ADGRG1: variants seen among roughly 807,000 people sequenced by gnomAD.
ADGRG1 encodes the protein adhesion G protein-coupled receptor G1.
In ADGRG1, 53 loss-of-function variants were observed where a neutral mutation model predicts 73.5. The observed-to-expected ratio is 0.72, with a 90% CI of 0.58 to 0.91. The LOEUF (loss-of-function observed/expected upper bound fraction) is 0.91. ADGRG1 is among the 40% of genes least tolerant of loss of function. ADGRG1 has a pLI of 0.00. For missense variants in ADGRG1, 795 were observed against 871.8 expected (o/e 0.91, Z 1.11); for synonymous variants, 394 against 374.4 (o/e 1.05, Z -0.60).
rs187571749 is a variant in ADGRG1 at position 57,636,376 on chromosome 16, G to A, written c.-36+7574G>A. 5.6e-3 allele frequency: 5,537 copies of A among 985,374 alleles called. 24 individuals are homozygous for A. Among genetic ancestry groups the A allele is most frequent in the Non-Finnish European group, 6.1e-3 (5,093 of 829,926 alleles). The allele number at this position is 985,374 out of a possible 1,614,324, so 61.0% of individuals were successfully genotyped here. A position where few individuals can be genotyped will look rare whatever the true frequency, so the allele number is the denominator to read the frequency against. Reference sequence around the variant, plus strand: ...GCGCTCCCAGGCTTCCATGCTGTGGGACTTCTCAGAGCCTTTATCGGGAAA... The same window carrying A: ...GCGCTCCCAGGCTTCCATGCTGTGGAACTTCTCAGAGCCTTTATCGGGAAA... On this transcript the variant is annotated intron_variant, in intron 1 of 13. Transcript: ENST00000562631.
chr16:57,663,082 T>C, intron 13 of ADGRG1: 1 of 985,108 alleles, frequency 1.0e-6, no homozygotes, highest in Non-Finnish European at 1.2e-6. Flanking sequence ...TGCTATTAAT[T>C]TGAGGGGTGC....
Position 57,651,256 on chromosome 16 carries a change from A to G in ADGRG1, c.121A>G (p.Thr41Ala). ...TCGCTTCTGCAGCCAGCGGAACCAG[A>G]CACACAGGAGCAGCCTCCACTACAA... ...DFRFCSQRNQTHRSSLHYKPT... is the reference protein window; with the variant it reads ...DFRFCSQRNQAHRSSLHYKPT... Residue 41 changes from threonine (T) to alanine (A), a missense_variant, in exon 3 of 14, where the codon ACA becomes GCA. By Grantham distance (58) the Thr-to-Ala change is moderately conservative (BLOSUM62 0). Coordinates refer to ENST00000562631, the MANE Select transcript of ADGRG1 (RefSeq NM_201525.4). 1 of 1,614,100 alleles carries G rather than the reference A, an allele frequency of 6.2e-7. No individual in the cohort carries two copies. The highest frequency in any genetic ancestry group is 8.5e-7 in the Non-Finnish European group (1 of 1,180,008).
At chr16:57,656,057 C>T in intron 7 of ADGRG1, 65 bp downstream of exon 7, 2 of 1,613,688 alleles carry the variant, frequency 1.2e-6, no homozygotes, top group Non-Finnish European at 1.7e-6. Context: ...TCCTCTCCCT[C>T]CCTCCAGACT....
At chr16:57,646,840 C>A in intron 1 of ADGRG1, 1 of 828,526 alleles carries the variant, frequency 1.2e-6, no homozygotes, top group Non-Finnish European at 1.5e-6. Flanking sequence ...TGGATGTCAC[C>A]ACTAACATTA....
Position 57,651,560 on chromosome 16 carries a change from C to G in ADGRG1, c.425C>G (p.Ser142Cys). 2 of 1,614,182 alleles carry G rather than the reference C, an allele frequency of 1.2e-6. No individual in the cohort carries two copies. Among genetic ancestry groups the G allele is most frequent in the Non-Finnish European group, 1.7e-6 (2 of 1,180,038 alleles). The change falls in exon 3 of 14, where the codon TCC (serine) becomes TGC (cysteine). Residue 142 changes from serine (S) to cysteine (C), a missense_variant. By Grantham distance (112) the Ser-to-Cys change is moderately radical (BLOSUM62 -1). Coordinates refer to ENST00000562631, the MANE Select transcript of ADGRG1 (RefSeq NM_201525.4). Reference protein sequence around the residue: ...GPPLLATSVTSWWSPQNISLP... With the variant: ...GPPLLATSVTCWWSPQNISLP... ...CCGCTGTTAGCCACTTCTGTCACCT[C>G]CTGGTGGAGCCCTCAGAACATCAGC...
At chr16:57,629,610 C>T (rs1315012416) in intron 1 of ADGRG1, 1 of 152,206 alleles carries the variant, frequency 6.6e-6, no homozygotes, top group Non-Finnish European at 1.5e-5. Context: ...CTCTTCATCA[C>T]CAAGGCCAGC....
intron 1 of ADGRG1, chr16:57,633,465 C>T: frequency 1.0e-6 from 1 of 985,354 alleles, no homozygotes; most frequent in Non-Finnish European, 1.2e-6. Flanking sequence ...CAGACCCTGT[C>T]CCCAGCTGTC....
At position 57,649,842 on chromosome 16, in the gene ADGRG1, G is replaced by A. The variant is rs183096780; in HGVS notation, c.-35-411G>A. Among the ~76,000 whole-genome samples, 601 of 152,038 alleles carry A rather than the reference G, an allele frequency of 4.0e-3. 4 individuals are homozygous for A. Among genetic ancestry groups the A allele is most frequent in the Non-Finnish European group, 6.9e-3 (468 of 67,936 alleles). ...ACCCAGGCTGGAGTGCAGTGGCGCAGTTATAGCTCACTGCAGCCTCGACCT... is the reference window on the plus strand; with the variant it reads ...ACCCAGGCTGGAGTGCAGTGGCGCAATTATAGCTCACTGCAGCCTCGACCT... On this transcript the variant is annotated intron_variant, in intron 1 of 13. Coordinates refer to ENST00000562631, the MANE Select transcript of ADGRG1 (RefSeq NM_201525.4).
intron 1 of ADGRG1, chr16:57,631,907 G>T (rs1597114456): frequency 2.1e-6 from 2 of 967,630 alleles, no homozygotes; most frequent in East Asian, 2.3e-4. Flanking sequence ...AGGGGCCAAG[G>T]GTTGGGGAGT....
chr16:57,648,968 C>T (rs1261634426), intron 1 of ADGRG1, among the ~76,000 whole-genome samples: 2 of 152,266 alleles, frequency 1.3e-5, no homozygotes, highest in Admixed American at 6.5e-5. Flanking sequence ...AATGGGTCAA[C>T]AGCAGTGCCC....
intron 1 of ADGRG1, chr16:57,630,515 G>A: frequency 1.0e-6 from 1 of 985,514 alleles, no homozygotes; most frequent in East Asian, 1.1e-4. Flanking sequence ...GCTCCCGTAG[G>A]CCTGGGGCTT....
chr16:57,630,220 G>A (rs1249158645), intron 1 of ADGRG1: 8 of 434,012 alleles, frequency 1.8e-5, no homozygotes, highest in Non-Finnish European at 2.5e-5. Flanking sequence ...TGGCTCCTTG[G>A]GGTCAGAGAC....
At chr16:57,623,209 G>T (rs1215531123), upstream of ADGRG1, 3 of 985,082 alleles carry the variant, frequency 3.0e-6, no homozygotes, top group Middle Eastern at 5.2e-4. Context: ...CTAAACAGGG[G>T]TTCACCTGCT....
chr16:57,644,982 CCATGCACACACA>C (rs1486502965), intron 1 of ADGRG1: 1 of 752,560 alleles, frequency 1.3e-6, no homozygotes, highest in African/African-American at 1.9e-5. Flanking sequence ...GCACACACCC[CCATGCACACACA>C]CATGCACACT....
chr16:57,654,779 T>A (rs1353313917), intron 5 of ADGRG1, among the ~76,000 whole-genome samples: 3 of 151,980 alleles, frequency 2.0e-5, no homozygotes, highest in African/African-American at 7.3e-5. Flanking sequence ...ACTCGGGAGG[T>A]TGAGGCAGGA....
intron 10 of ADGRG1, 42 bp from the exon 11 acceptor site, chr16:57,659,371 T>C (rs1291637679): frequency 1.2e-6 from 2 of 1,612,406 alleles, no homozygotes; most frequent in East Asian, 4.5e-5. Flanking sequence ...CTCCCCTCTC[T>C]ACCTTCCCAC....
upstream of ADGRG1, chr16:57,622,821 T>C: frequency 1.0e-6 from 1 of 985,376 alleles, no homozygotes; most frequent in Non-Finnish European, 1.2e-6. Flanking sequence ...CACCCAGGCA[T>C]GCCTTCCCCG....
intron 1 of ADGRG1, chr16:57,643,980 G>A: frequency 7.1e-6 from 7 of 984,904 alleles, no homozygotes; most frequent in Non-Finnish European, 8.4e-6. Context: ...TTGGGTACAT[G>A]CTATTTCCAA....
upstream of ADGRG1, chr16:57,625,739 A>C: frequency 2.6e-6 from 2 of 773,328 alleles, no homozygotes; most frequent in Non-Finnish European, 3.1e-6. Context: ...CTACCCAAAC[A>C]TCTTCTCTGG....
Sources: gnomAD v4.1 joint callset for allele counts (sites outside exome capture counted in the v4.1 genomes callset) on GRCh38, gnomAD v4.1.1 for gene constraint, MANE v1.5 for transcripts, NCBI Gene and HGNC (gene_info 2026-07-23, HGNC 2026-07-21) for gene names.